Variants in MYLIP observed in about 807,000 individuals in gnomAD.
MYLIP encodes the protein myosin regulatory light chain interacting protein, also known as E3 ubiquitin-protein ligase MYLIP.
A neutral mutation model predicts 45.8 loss-of-function variants in MYLIP; 26 were observed. The observed-to-expected ratio is 0.57, with a 90% CI of 0.42 to 0.79. The LOEUF (loss-of-function observed/expected upper bound fraction) is 0.79, where lower values mean the gene tolerates loss of function less well. Ranked by LOEUF, MYLIP falls within the 30% of genes least tolerant of loss-of-function variation. The pLI is 0.00. For synonymous variants in MYLIP, 213 were observed against 218.1 expected (o/e 0.98, Z 0.21); for missense variants, 494 against 555.6 (o/e 0.89, Z 1.11).
chr6:16,160,261 C>T, the MYLIP span, among the ~76,000 whole-genome samples: 2,767 of 152,226 alleles, frequency 0.018, 214 homozygotes, highest in East Asian at 0.23. Flanking sequence ...TATTACTGTG[C>T]GCAAATTAAG....
At chr6:16,156,746 G>T in the MYLIP span, among the ~76,000 whole-genome samples, 1 of 152,200 alleles carries the variant, frequency 6.6e-6, no homozygotes, top group South Asian at 2.1e-4. Flanking sequence ...AGCAGATATA[G>T]CTTGTTATCT....
chr6:16,146,131 A>G (rs374824528), intron 6 of MYLIP, among the ~76,000 whole-genome samples: 1 of 152,170 alleles, frequency 6.6e-6, no homozygotes, highest in African/African-American at 2.4e-5. Flanking sequence ...TCTCATCCCT[A>G]AGTCTCTCCT....
intron 2 of MYLIP, among the ~76,000 whole-genome samples, chr6:16,134,179 A>G (rs1338987442): frequency 1.3e-5 from 2 of 152,218 alleles, no homozygotes; most frequent in Non-Finnish European, 2.9e-5. Context: ...CCTAAACTCC[A>G]TTAAACAGGG....
chr6:16,132,292 T>G (rs868120523), intron 2 of MYLIP, among the ~76,000 whole-genome samples: 11 of 152,218 alleles, frequency 7.2e-5, no homozygotes, highest in Non-Finnish European at 1.3e-4. Context: ...TCTCTACCTG[T>G]GCTTTCCTGT....
intron 5 of MYLIP, 127 bp downstream of exon 5, chr6:16,143,990 A>G: frequency 8.8e-7 from 1 of 1,142,556 alleles, no homozygotes; most frequent in Non-Finnish European, 1.2e-6. Context: ...GAAATTCTGA[A>G]CATTTTGTTT....
chr6:16,161,362 G>A, the MYLIP span: 1 of 246,822 alleles, frequency 4.1e-6, no homozygotes, highest in Non-Finnish European at 8.3e-6. Context: ...GCCTTCTCCT[G>A]CTGCTGCCTC....
chr6:16,152,469 G>A (rs1759889917), downstream of MYLIP, among the ~76,000 whole-genome samples: 2 of 152,192 alleles, frequency 1.3e-5, no homozygotes, highest in Non-Finnish European at 2.9e-5. Flanking sequence ...CTGGCATTTA[G>A]TGGGTAGAGG....
the MYLIP span, among the ~76,000 whole-genome samples, chr6:16,156,929 A>G: frequency 6.6e-6 from 1 of 152,218 alleles, no homozygotes; most frequent in Non-Finnish European, 1.5e-5. Context: ...ACATCTGCTC[A>G]GGGCACTCCC....
chr6:16,129,245 G>A lies in MYLIP; in HGVS notation c.-78G>A. 1.4e-6 allele frequency: 2 copies of A among 1,451,540 alleles called. No homozygotes were observed. Among genetic ancestry groups the A allele is most frequent in the South Asian group, 1.2e-5 (1 of 81,740 alleles). 89.9% of individuals were successfully genotyped at this position (1,451,540 alleles called of 1,614,324 possible). ...GCCAGCCCTCTCCGAGTCCGGGGCT[G>A]GGTCCCACCAGTGACAAGGCGGCAG... On this transcript the variant is annotated 5_prime_UTR_variant, in exon 1 of 7. Transcript: ENST00000356840. The surrounding 1 kb of genome is among the most constrained non-coding windows in gnomAD (Gnocchi z 5.1).
At chr6:16,141,489 A>G (rs1354460244) in intron 2 of MYLIP, 136 bp from the exon 3 acceptor site, 6 of 753,554 alleles carry the variant, frequency 8.0e-6, no homozygotes, top group Non-Finnish European at 1.2e-5. Flanking sequence ...TTTTTTTTGA[A>G]GTTCTTTAAT....
chr6:16,161,554 A>C, the MYLIP span: 2 of 152,548 alleles, frequency 1.3e-5, no homozygotes, highest in African/African-American at 2.4e-5. Flanking sequence ...TGAGATGAAA[A>C]TATCAAGCCG....
At chr6:16,136,709 G>A (rs557762865) in intron 2 of MYLIP, among the ~76,000 whole-genome samples, 1 of 152,226 alleles carries the variant, frequency 6.6e-6, no homozygotes, top group East Asian at 1.9e-4. Flanking sequence ...CAGCAAGAAT[G>A]TAAGAGTCTA....
At chr6:16,161,237 G>C in the MYLIP span, 1 of 327,528 alleles carries the variant, frequency 3.1e-6, no homozygotes, top group Admixed American at 3.2e-5. Flanking sequence ...CATCCTTCTG[G>C]TAATACACCC....
At position 16,130,673 on chromosome 6, in the gene MYLIP, G is replaced by A. The variant is rs562721626; in HGVS notation, c.204G>A (p.Gly68=). 6.2e-7 allele frequency: 1 copy of A among 1,614,218 alleles called. No homozygotes were observed. The highest frequency in any genetic ancestry group is 1.1e-5 in the South Asian group (1 of 91,086). The part of the protein sequence containing the change: ...LRNRISQQMD[G]LAPYRLKLRV... ...ACCGGATCTCCCAGCAGATGGATGG[G>A]CTAGCCCCTTACAGGCTTAAACTTA... The change falls in exon 2 of 7, where the codon GGG becomes GGA. Residue 68 remains glycine (G), a synonymous_variant. Transcript: ENST00000356840.
At chr6:16,150,329 G>A (rs922884870), downstream of MYLIP, among the ~76,000 whole-genome samples, 4 of 152,168 alleles carry the variant, frequency 2.6e-5, no homozygotes, top group South Asian at 2.1e-4. Context: ...ATGAGGAAGT[G>A]TCAGGGCTTA....
In MYLIP at chr6:16,129,175, C is replaced by T. The variant is rs1173803440; in HGVS notation, c.-148C>T. On this transcript the variant is annotated 5_prime_UTR_variant, in exon 1 of 7. Coordinates refer to ENST00000356840, the MANE Select transcript of MYLIP (RefSeq NM_013262.4). This position sits in a 1 kb window ranked among gnomAD's most constrained non-coding sequence, Gnocchi z 5.1. ...GGGGTGGCGGGGACGCGAGTGGCGG[C>T]CGCGGGGCCCCGGACAAGGGTCCGC... The T allele has an allele frequency of 1.0e-5, 8 of 775,806 alleles. No individual in the cohort carries two copies. The highest frequency in any genetic ancestry group is 1.6e-5 in the Non-Finnish European group (8 of 499,544). 48.1% of individuals were successfully genotyped at this position (775,806 alleles called of 1,614,324 possible).
At chr6:16,154,271 A>G in the MYLIP span, among the ~76,000 whole-genome samples, 3 of 152,138 alleles carry the variant, frequency 2.0e-5, no homozygotes, top group African/African-American at 7.2e-5. Flanking sequence ...TCTCCTTTTA[A>G]GAAGAAGCCA....
At chr6:16,144,075 A>T (rs1377574690) in intron 5 of MYLIP, among the ~76,000 whole-genome samples, 1 of 152,058 alleles carries the variant, frequency 6.6e-6, no homozygotes, top group African/African-American at 2.4e-5. Context: ...GAGCTGCACA[A>T]ACACATTCTC....
rs1581607305 is a variant in MYLIP at position 16,143,147 on chromosome 6, C to T, written c.592C>T (p.Gln198Ter). Residue 198 changes from glutamine (Q) to a stop codon, truncating the protein, a stop_gained, in exon 4 of 7, where the codon CAG becomes TAG. Transcript: ENST00000356840. LOFTEE classifies it high-confidence loss of function. Reference sequence around the variant, plus strand: ...GCATTCTGTGCGGGATAGCGAAGGGCAGAAACTGCTCATTGGGGTTGGACC... The same window carrying T: ...GCATTCTGTGCGGGATAGCGAAGGGTAGAAACTGCTCATTGGGGTTGGACC... ...EWHSVRDSEG[Q>*]KLLIGVGPEG... 1 of 1,614,128 alleles carries T rather than the reference C, an allele frequency of 6.2e-7. No homozygotes were observed. Among genetic ancestry groups the T allele is most frequent in the South Asian group, 1.1e-5 (1 of 91,084 alleles).
Sources: allele counts gnomAD v4.1 joint callset (sites outside exome capture counted in the v4.1 genomes callset), GRCh38; gene constraint gnomAD v4.1.1; non-coding constraint Gnocchi (gnomAD v3.1); transcripts MANE v1.5; gene names NCBI Gene and HGNC (gene_info 2026-07-23, HGNC 2026-07-21).